Variants in FGD2 observed in about 807,000 individuals in gnomAD.
FGD2 encodes FYVE, RhoGEF and PH domain-containing protein 2.
Under a neutral mutation model 75.9 loss-of-function variants are expected in FGD2, and 52 were observed. The ratio of observed to expected loss-of-function variants is 0.69; its 90% CI spans 0.55 to 0.86. The LOEUF is 0.86. Ranked by LOEUF, FGD2 falls within the 40% of genes least tolerant of loss-of-function variation. The pLI is 0.00. For missense variants in FGD2, 790 were observed against 872.0 expected (o/e 0.91, Z 1.18); for synonymous variants, 347 against 348.6 (o/e 1.00, Z 0.05).
intron 2 of FGD2, 147 bp from the exon 3 acceptor site, chr6:37,010,826 C>T: frequency 1.4e-6 from 1 of 711,862 alleles, no homozygotes; most frequent in Non-Finnish European, 2.5e-6. Context: ...CACCCCAGGG[C>T]CGGCCCAGAT....
intron 4 of FGD2, 192 bp from the exon 5 acceptor site, chr6:37,013,417 T>C (rs898176578): frequency 5.1e-5 from 71 of 1,395,408 alleles, no homozygotes; most frequent in Non-Finnish European, 6.1e-5. Context: ...GAACAGCCTT[T>C]GGCCTCAGGA....
chr6:37,008,676 G>A (rs1379947951), intron 1 of FGD2, among the ~76,000 whole-genome samples, 158 bp from the exon 2 acceptor site: 2 of 152,224 alleles, frequency 1.3e-5, no homozygotes, highest in African/African-American at 4.8e-5. Context: ...TGGGAGAGAA[G>A]TGAAAGTCTT....
intron 13 of FGD2, 165 bp from the exon 14 acceptor site, chr6:37,025,627 C>A: frequency 1.4e-6 from 1 of 704,616 alleles, no homozygotes. Context: ...TTGGGCCTCA[C>A]CAGCATGGGG....
Position 37,012,138 on chromosome 6 carries a change from G to C in FGD2, c.527+284G>C, listed in dbSNP as rs558298493. On this transcript the variant is annotated intron_variant, in intron 4 of 15. Coordinates refer to ENST00000274963, the MANE Select transcript of FGD2 (RefSeq NM_173558.4). ...AGTGAAAATAGCCAGTGCCAACTGA[G>C]GGCTTCCTACACGCCTGGCCTTGGG... The C allele has an allele frequency of 7.8e-4, 272 of 346,526 alleles. 5 individuals are homozygous for C. The East Asian group carries it at 0.015, about 19-fold the overall frequency. The allele number at this position is 346,526 out of a possible 1,614,324, so 21.5% of individuals were successfully genotyped here. A position where few individuals can be genotyped will look rare whatever the true frequency, so the allele number is the denominator to read the frequency against.
At position 37,011,798 on chromosome 6, in the gene FGD2, C is replaced by A. The variant is rs748555882; in HGVS notation, c.471C>A (p.Ile157=). ...TCATCTTCTCCAACATCTCCTCCAT[C>A]TATCAGTTCCATTCTCAGTTCTTCC... ...VRVIFSNISS[I]YQFHSQFFLP... The change falls in exon 4 of 16, where the codon ATC becomes ATA. Residue 157 remains isoleucine (I), a synonymous_variant. Transcript: ENST00000274963. The A allele has an allele frequency of 1.2e-6, 2 of 1,614,194 alleles. No individual in the cohort carries two copies. The highest frequency in any genetic ancestry group is 1.7e-6 in the Non-Finnish European group (2 of 1,180,018).
Position 37,028,032 on chromosome 6 carries a change from C to T in FGD2, c.1837C>T (p.Gln613Ter). 1 of 1,613,798 alleles carries T rather than the reference C, an allele frequency of 6.2e-7. No individual in the cohort carries two copies. The highest frequency in any genetic ancestry group is 8.5e-7 in the Non-Finnish European group (1 of 1,179,934). ...PQGDPRVFQL[Q>*]QSGQLYTFKA... ...GGGGGACCCTCGGGTCTTCCAGCTA[C>T]AGCAGTCAGGCCAGCTCTACACCTT... The change falls in exon 16 of 16, where the codon CAG becomes TAG. Residue 613 changes from glutamine (Q) to a stop codon, truncating the protein, a stop_gained. Transcript: ENST00000274963. LOFTEE classifies it low-confidence loss of function (END_TRUNC).
chr6:37,021,811 T>C (rs831501), intron 12 of FGD2: 13,941 of 560,290 alleles, frequency 0.025, 964 homozygotes, highest in East Asian at 0.22. Flanking sequence ...AGAGCCTGTC[T>C]GCACAGCTGT....
At chr6:37,010,435 T>C (rs1008888793) in intron 2 of FGD2, among the ~76,000 whole-genome samples, 14 of 152,138 alleles carry the variant, frequency 9.2e-5, no homozygotes, top group Admixed American at 7.2e-4. Context: ...TACACTTACA[T>C]TGGGGGTTAG....
chr6:37,026,527 C>A (rs1765828461), intron 14 of FGD2, among the ~76,000 whole-genome samples: 1 of 150,920 alleles, frequency 6.6e-6, no homozygotes, highest in East Asian at 2.2e-4. Flanking sequence ...CACAGGTGCT[C>A]CCCTGTGGGG....
Position 37,013,719 on chromosome 6 carries a change from G to T in FGD2, c.638G>T (p.Trp213Leu). The T allele has an allele frequency of 6.2e-7, 1 of 1,614,064 alleles. No individual in the cohort carries two copies. The highest frequency in any genetic ancestry group is 8.5e-7 in the Non-Finnish European group (1 of 1,179,980). Residue 213 changes from tryptophan (W) to leucine (L), a missense_variant, in exon 5 of 16, where the codon TGG becomes TTG. By Grantham distance (61) the Trp-to-Leu change is moderately conservative. Transcript: ENST00000274963. ...FERAAELLAT[W>L]TDKSPLFQEV... ...CGAGCGGCTGAGCTGCTGGCCACCT[G>T]GACCGACAAGTCTCCACTCTTCCAG...
At chr6:37,026,765 C>A (rs750462230) in intron 14 of FGD2, among the ~76,000 whole-genome samples, 2 of 151,662 alleles carry the variant, frequency 1.3e-5, no homozygotes, top group Non-Finnish European at 2.9e-5. Flanking sequence ...TTTGGGAGGC[C>A]AAGGTGGATG....
chr6:37,011,608 G>A (rs1765007985), intron 3 of FGD2, 98 bp from the exon 4 acceptor site: 11 of 1,514,190 alleles, frequency 7.3e-6, no homozygotes, highest in Non-Finnish European at 6.3e-6. Flanking sequence ...CAGGGAGGTG[G>A]AAGCATGCAG....
intron 9 of FGD2, among the ~76,000 whole-genome samples, chr6:37,018,111 C>T (rs1044769763): frequency 5.9e-5 from 9 of 152,080 alleles, no homozygotes; most frequent in African/African-American, 2.2e-4. Flanking sequence ...GACGGGTGGC[C>T]CTGCCAAAGG....
At chr6:37,026,109 C>T (rs1050664603) in intron 14 of FGD2, 171 bp downstream of exon 14, 1 of 985,300 alleles carries the variant, frequency 1.0e-6, no homozygotes. Flanking sequence ...CCTCTCGCCA[C>T]AGCCCAGGCA....
intron 9 of FGD2, 51 bp from the exon 10 acceptor site, chr6:37,020,490 G>C: frequency 1.3e-6 from 2 of 1,537,710 alleles, no homozygotes; most frequent in Non-Finnish European, 1.8e-6. Context: ...TGCTGTGCCT[G>C]GGACCCGGGC....
In FGD2 at chr6:37,017,104, C is replaced by CT. The variant is rs749880104; in HGVS notation, c.1122+1256dup. On this transcript the variant is annotated intron_variant, in intron 9 of 15. Coordinates refer to ENST00000274963, the MANE Select transcript of FGD2 (RefSeq NM_173558.4). ...ACTCTACACATTTTTCTGCACTTTG[C>CT]TTTTTTTTTTTTAACTAACTGCAAA... 1.0e-2 allele frequency among the ~76,000 whole-genome samples: 1,440 copies of CT among 144,336 alleles called. 22 individuals carry two copies. The highest frequency in any genetic ancestry group is 0.033 in the African/African-American group (1,285 of 39,490). The allele number at this position is 144,336 out of a possible 152,430, so 94.7% of individuals were successfully genotyped here.
chr6:37,012,962 C>CTGTGTGTGTG (rs60644967), intron 4 of FGD2: 6 of 126,100 alleles, frequency 4.8e-5, no homozygotes, highest in African/African-American at 1.2e-4. Flanking sequence ...TGGAAAAGTT[C>CTGTGTGTGTG]TGTGTGTGTG....
chr6:37,011,836 A>C lies in FGD2; in HGVS notation c.509A>C (p.Gln170Pro). The change falls in exon 4 of 16, where the codon CAG becomes CCG. Residue 170 changes from glutamine (Q) to proline (P), a missense_variant. Transcript: ENST00000274963. ...TCTCAGTTCTTCCTCCCAGAGCTGCAGCGGCGCCTGGACGACTGGTGAGGT... is the reference window on the plus strand; with the variant it reads ...TCTCAGTTCTTCCTCCCAGAGCTGCCGCGGCGCCTGGACGACTGGTGAGGT... ...FHSQFFLPELQRRLDDWTANP... is the reference protein window; with the variant it reads ...FHSQFFLPELPRRLDDWTANP... 1 of 1,614,010 alleles carries C rather than the reference A, an allele frequency of 6.2e-7. No individual in the cohort carries two copies. Among genetic ancestry groups the C allele is most frequent in the Non-Finnish European group, 8.5e-7 (1 of 1,179,930 alleles).
At position 37,020,569 on chromosome 6, in the gene FGD2, C is replaced by G. The variant is rs779046545; in HGVS notation, c.1151C>G (p.Pro384Arg). 6.2e-7 allele frequency: 1 copy of G among 1,608,558 alleles called. No individual in the cohort carries two copies. Among genetic ancestry groups the G allele is most frequent in the South Asian group, 1.1e-5 (1 of 89,660 alleles). The change falls in exon 10 of 16, where the codon CCC becomes CGC. Residue 384 changes from proline to arginine, a missense_variant. Transcript: ENST00000274963. Reference protein sequence around the residue: ...KVRELMDAEFPHSFLVSGKQR... With the variant: ...KVRELMDAEFRHSFLVSGKQR... Reference sequence around the variant, plus strand: ...CGGGAGCTGATGGATGCTGAGTTTCCCCACTCCTTCCTGGTGTCCGGGAAG... The same window carrying G: ...CGGGAGCTGATGGATGCTGAGTTTCGCCACTCCTTCCTGGTGTCCGGGAAG...
Sources: gnomAD v4.1 joint callset for allele counts (sites outside exome capture counted in the v4.1 genomes callset) on GRCh38, gnomAD v4.1.1 for gene constraint, MANE v1.5 for transcripts, NCBI Gene and HGNC (gene_info 2026-07-23, HGNC 2026-07-21) for gene names.